CALD1: variants seen among roughly 807,000 people sequenced by gnomAD.
CALD1 encodes the protein caldesmon 1.
Under a neutral mutation model 99.9 loss-of-function variants are expected in CALD1, and 33 were observed. That is an observed-to-expected ratio of 0.33 (90% CI 0.25 to 0.44). CALD1 has a LOEUF of 0.44. CALD1 is among the 20% of genes least tolerant of loss of function. CALD1 has a pLI of 1.00. For synonymous variants in CALD1, 310 were observed against 325.0 expected (o/e 0.95, Z 0.50); for missense variants, 861 against 962.1 (o/e 0.89, Z 1.39).
chr7:134,830,330 A>C (rs1799170329), intron 1 of CALD1, among the ~76,000 whole-genome samples: 1 of 152,176 alleles, frequency 6.6e-6, no homozygotes, highest in Admixed American at 6.5e-5. Flanking sequence ...GATTTTAATA[A>C]TTTAATTTGC....
intron 4 of CALD1, among the ~76,000 whole-genome samples, chr7:134,929,644 G>GTA (rs1298035690): frequency 1.7e-3 from 3 of 1,812 alleles, no homozygotes; most frequent in Non-Finnish European, 3.5e-3. Context: ...GTGTGTGTGT[G>GTA]TGTATATATA....
chr7:134,791,487 G>A (rs114489991), intron 1 of CALD1, among the ~76,000 whole-genome samples: 1 of 151,966 alleles, frequency 6.6e-6, no homozygotes, highest in Admixed American at 6.6e-5. Flanking sequence ...GACCATGCCC[G>A]GCCACAACAG....
At chr7:134,867,859 A>G (rs780678590) in intron 3 of CALD1, 55 bp downstream of exon 3, 35 of 1,139,110 alleles carry the variant, frequency 3.1e-5, no homozygotes, top group Non-Finnish European at 4.4e-5. Context: ...CCTTGGTTTC[A>G]GGCCTCAAAG....
intron 1 of CALD1, among the ~76,000 whole-genome samples, chr7:134,801,621 C>G (rs993714004): frequency 2.6e-5 from 4 of 151,990 alleles, no homozygotes; most frequent in Admixed American, 2.0e-4. Flanking sequence ...TCTTCTCTCT[C>G]TCTCTCTCTC....
At chr7:134,816,563 C>A (rs1464304620) in intron 1 of CALD1, among the ~76,000 whole-genome samples, 1 of 152,172 alleles carries the variant, frequency 6.6e-6, no homozygotes, top group Middle Eastern at 3.2e-3. Flanking sequence ...TTCTCTTCAG[C>A]CAATTTAAGC....
chr7:134,878,949 T>C (rs562934196), intron 3 of CALD1, among the ~76,000 whole-genome samples: 4 of 152,176 alleles, frequency 2.6e-5, no homozygotes, highest in African/African-American at 9.6e-5. Flanking sequence ...CACTCCAGCC[T>C]GGACAACAGA....
At chr7:134,842,176 A>G (rs1230732237) in intron 1 of CALD1, among the ~76,000 whole-genome samples, 1 of 152,206 alleles carries the variant, frequency 6.6e-6, no homozygotes, top group Non-Finnish European at 1.5e-5. Flanking sequence ...CTCAGTGAAC[A>G]AGCAAGTGGG....
At chr7:134,917,178 T>C (rs1312336144) in intron 3 of CALD1, among the ~76,000 whole-genome samples, 2 of 152,202 alleles carry the variant, frequency 1.3e-5, no homozygotes, top group African/African-American at 4.8e-5. Flanking sequence ...GTTTTACTTT[T>C]TTTAAACGAC....
chr7:134,785,857 G>A lies in CALD1; in HGVS notation c.-130+6108G>A, dbSNP rs1001397193. 5.9e-5 allele frequency among the ~76,000 whole-genome samples: 9 copies of A among 152,330 alleles called. No homozygotes were observed. The South Asian group carries it at 1.7e-3, about 28-fold the overall frequency. On this transcript the variant is annotated intron_variant, in intron 1 of 14. Coordinates refer to ENST00000361675, the MANE Select transcript of CALD1 (RefSeq NM_033138.4). ...TATGAACATGGGAGAAGGCATTTGTGTTTCTCAAGGCAGCAGAACAGAACT... is the reference window on the plus strand; with the variant it reads ...TATGAACATGGGAGAAGGCATTTGTATTTCTCAAGGCAGCAGAACAGAACT...
chr7:134,828,419 GCTT>G (rs759084006), intron 1 of CALD1, among the ~76,000 whole-genome samples: 25 of 152,206 alleles, frequency 1.6e-4, no homozygotes, highest in Non-Finnish European at 3.2e-4. Context: ...GTATTTGCTT[GCTT>G]CTTATTGAAA....
At chr7:134,816,453 CA>C (rs1798568722) in intron 1 of CALD1, among the ~76,000 whole-genome samples, 2 of 152,146 alleles carry the variant, frequency 1.3e-5, no homozygotes. Context: ...ATTTAGTCTG[CA>C]ATTTAAAAGC....
At chr7:134,799,718 C>T (rs923622903) in intron 1 of CALD1, among the ~76,000 whole-genome samples, 1 of 151,944 alleles carries the variant, frequency 6.6e-6, no homozygotes, top group East Asian at 1.9e-4. Context: ...ATAAAGAGAC[C>T]CTGCTTCACA....
chr7:134,713,013 T>C, the CALD1 span, among the ~76,000 whole-genome samples: 2 of 152,222 alleles, frequency 1.3e-5, no homozygotes. Flanking sequence ...CAGATATATA[T>C]AACCTGGGAG....
intron 3 of CALD1, chr7:134,928,094 A>T: frequency 3.1e-6 from 1 of 324,738 alleles, no homozygotes; most frequent in Non-Finnish European, 6.4e-6. Flanking sequence ...TTTTGAAGTA[A>T]GCATTTTGTT....
the CALD1 span, among the ~76,000 whole-genome samples, chr7:134,732,532 G>T: frequency 3.3e-5 from 5 of 152,116 alleles, no homozygotes; most frequent in African/African-American, 1.2e-4. Flanking sequence ...CATCTATAAG[G>T]AACAGGCCCT....
At chr7:134,858,860 G>A (rs567923446) in intron 2 of CALD1, among the ~76,000 whole-genome samples, 61 of 152,172 alleles carry the variant, frequency 4.0e-4, no homozygotes, top group South Asian at 3.9e-3. Context: ...GAGCCACCAC[G>A]CCCAGCCAGG....
chr7:134,939,814 A>C (rs1479027190), intron 6 of CALD1, among the ~76,000 whole-genome samples: 1 of 152,014 alleles, frequency 6.6e-6, no homozygotes, highest in Non-Finnish European at 1.5e-5. Flanking sequence ...AAATACAAAA[A>C]TTATCTGGGT....
intron 1 of CALD1, among the ~76,000 whole-genome samples, chr7:134,805,421 T>G (rs1338663129): frequency 6.6e-6 from 1 of 152,214 alleles, no homozygotes; most frequent in African/African-American, 2.4e-5. Flanking sequence ...TTGTTGTTGT[T>G]GTTGTTGAAC....
chr7:134,940,292 T>C (rs1232815686), intron 6 of CALD1, among the ~76,000 whole-genome samples: 1 of 152,194 alleles, frequency 6.6e-6, no homozygotes, highest in Non-Finnish European at 1.5e-5. Flanking sequence ...ATAATCTGTC[T>C]CACTTACTGA....
Sources: gnomAD v4.1 joint callset for allele counts (sites outside exome capture counted in the v4.1 genomes callset) on GRCh38, gnomAD v4.1.1 for gene constraint, MANE v1.5 for transcripts, NCBI Gene and HGNC (gene_info 2026-07-23, HGNC 2026-07-21) for gene names.